ATP8A1: variants seen among roughly 807,000 people sequenced by gnomAD.
The protein encoded by ATP8A1 is ATPase phospholipid transporting 8A1.
A neutral mutation model predicts 177.7 loss-of-function variants in ATP8A1; 90 were observed. The observed-to-expected ratio is 0.51, with a 90% CI of 0.43 to 0.60. ATP8A1 has a LOEUF of 0.60. Ranked by LOEUF, ATP8A1 falls within the 20% of genes least tolerant of loss-of-function variation. The probability of loss-of-function intolerance (pLI) is 0.00; values close to 1 mark genes in which losing one functional copy is unlikely to be tolerated. For synonymous variants in ATP8A1, 493 were observed against 485.9 expected (o/e 1.01, Z -0.19); for missense variants, 1,072 against 1,392.8 (o/e 0.77, Z 3.67).
intron 6 of ATP8A1, among the ~76,000 whole-genome samples, chr4:42,596,834 C>G (rs1413100327): frequency 6.6e-6 from 1 of 152,094 alleles, no homozygotes; most frequent in Non-Finnish European, 1.5e-5. Flanking sequence ...CTAAATTCTC[C>G]ACCTGCATAC....
At chr4:42,475,199 C>T (rs1019229387) in intron 25 of ATP8A1, among the ~76,000 whole-genome samples, 5 of 152,228 alleles carry the variant, frequency 3.3e-5, no homozygotes, top group South Asian at 2.1e-4. Context: ...CAAGGTCTCA[C>T]TCTGTCGCCA....
intron 5 of ATP8A1, among the ~76,000 whole-genome samples, chr4:42,613,728 C>A (rs1039897168): frequency 1.3e-5 from 2 of 151,956 alleles, no homozygotes; most frequent in African/African-American, 4.8e-5. Flanking sequence ...GGATTACAGG[C>A]GCCTGCCACC....
intron 1 of ATP8A1, among the ~76,000 whole-genome samples, chr4:42,650,913 T>C (rs912782454): frequency 6.6e-5 from 10 of 152,186 alleles, no homozygotes; most frequent in Admixed American, 3.9e-4. Context: ...GTCTGCCTGA[T>C]ATAGTTTGGC....
Position 42,627,053 on chromosome 4 carries a change from C to A in ATP8A1, c.106G>T (p.Val36Leu). ...GGCTGGTTGATGAAAATAGTCCTTA[C>A]TTCCTCCTGGTCAGCCAGTGAGGTC... The part of the protein sequence containing the change: ...EKTSLADQEE[V>L]RTIFINQPQL... Residue 36 changes from valine to leucine, a missense_variant, in exon 2 of 37, where the codon GTA becomes TTA. Physicochemically the swap from Val to Leu is conservative, Grantham distance 32. Coordinates refer to ENST00000381668, the MANE Select transcript of ATP8A1 (RefSeq NM_006095.2). The A allele has an allele frequency of 6.2e-7, 1 of 1,614,142 alleles. No individual in the cohort carries two copies. The highest frequency in any genetic ancestry group is 2.2e-5 in the East Asian group (1 of 44,878).
intron 22 of ATP8A1, among the ~76,000 whole-genome samples, chr4:42,519,007 T>C (rs1433035510): frequency 6.6e-6 from 1 of 152,188 alleles, no homozygotes; most frequent in Non-Finnish European, 1.5e-5. Flanking sequence ...TTAAAAATCC[T>C]ACAGTCCTCC....
chr4:42,539,872 C>T (rs1728213770), intron 20 of ATP8A1, among the ~76,000 whole-genome samples: 1 of 152,056 alleles, frequency 6.6e-6, no homozygotes, highest in Non-Finnish European at 1.5e-5. Flanking sequence ...GGAAAACTAT[C>T]CTGGGCATTG....
intron 14 of ATP8A1, 90 bp from the exon 15 acceptor site, chr4:42,569,295 A>G (rs1235657828): frequency 1.1e-5 from 11 of 960,860 alleles, no homozygotes; most frequent in Non-Finnish European, 1.7e-5. Flanking sequence ...GAAGTATAAA[A>G]AGATGGATCA....
chr4:42,471,439 T>C (rs1720399172), intron 25 of ATP8A1, among the ~76,000 whole-genome samples: 1 of 151,334 alleles, frequency 6.6e-6, no homozygotes, highest in South Asian at 2.1e-4. Context: ...ATTTTAGATA[T>C]AAAACCTCTC....
At position 42,411,187 on chromosome 4, in the gene ATP8A1, GTA is replaced by G. The variant is rs930437337; in HGVS notation, c.*1727_*1728del. On this transcript the variant is annotated 3_prime_UTR_variant, in exon 37 of 37. Transcript: ENST00000381668. Reference sequence around the variant, plus strand: ...TGTGTTCCCTTAAGGTTAGAATTATGTATATGTGTTATAACCTCTTATTTGTA... The same window carrying G: ...TGTGTTCCCTTAAGGTTAGAATTATGTATGTGTTATAACCTCTTATTTGTA... 3 of 152,128 alleles carry G rather than the reference GTA, an allele frequency of 2.0e-5. No homozygotes were observed. Among genetic ancestry groups the G allele is most frequent in the Admixed American group, 1.3e-4 (2 of 15,266 alleles). The allele number at this position is 152,128 out of a possible 1,614,324, so 9.4% of individuals were successfully genotyped here. A position where few individuals can be genotyped will look rare whatever the true frequency, so the allele number is the denominator to read the frequency against.
Position 42,478,575 on chromosome 4 carries a change from C to A in ATP8A1, c.2324+6921G>T, listed in dbSNP as rs1229295509. Among the ~76,000 whole-genome samples, 11 of 14,906 alleles carry A rather than the reference C, an allele frequency of 7.4e-4. No individual in the cohort carries two copies. In the Non-Finnish European group the frequency reaches 0.019, roughly 26 times the overall value. 9.8% of individuals were successfully genotyped at this position (14,906 alleles called of 152,430 possible). On this transcript the variant is annotated intron_variant, in intron 25 of 36. Transcript: ENST00000381668. ...GGGAATACACACACAAAAAAAAAACCACATAAAAAAATCAAAGAGCCACTT... is the reference window on the plus strand; with the variant it reads ...GGGAATACACACACAAAAAAAAAACAACATAAAAAAATCAAAGAGCCACTT...
chr4:42,629,206 T>C (rs568295944), intron 1 of ATP8A1, among the ~76,000 whole-genome samples: 3 of 152,324 alleles, frequency 2.0e-5, no homozygotes, highest in South Asian at 2.1e-4. Flanking sequence ...AATGGATTAG[T>C]AGGGGCCCAA....
chr4:42,630,574 G>T (rs951627746), intron 1 of ATP8A1, among the ~76,000 whole-genome samples: 1 of 152,138 alleles, frequency 6.6e-6, no homozygotes. Flanking sequence ...AGAAAGAAAC[G>T]CATCTTAATC....
intron 25 of ATP8A1, chr4:42,472,233 G>A (rs1578001852): frequency 1.7e-6 from 1 of 582,956 alleles, no homozygotes; most frequent in South Asian, 1.4e-5. Context: ...GAATCTGTGT[G>A]AAACTGGATG....
At chr4:42,468,120 C>T (rs1719989924) in intron 25 of ATP8A1, among the ~76,000 whole-genome samples, 1 of 151,976 alleles carries the variant, frequency 6.6e-6, no homozygotes, top group Admixed American at 6.6e-5. Flanking sequence ...CACTTCTACA[C>T]CGCTGGTGGG....
chr4:42,432,195 T>C (rs1028841925), intron 33 of ATP8A1, among the ~76,000 whole-genome samples: 17 of 152,146 alleles, frequency 1.1e-4, no homozygotes, highest in Non-Finnish European at 2.5e-4. Context: ...AACCTGAGAC[T>C]CCAGGGTTAC....
chr4:42,617,030 T>C (rs575427492), intron 4 of ATP8A1, among the ~76,000 whole-genome samples: 1 of 152,358 alleles, frequency 6.6e-6, no homozygotes, highest in African/African-American at 2.4e-5. Flanking sequence ...AATATAGTTG[T>C]GCGTACCTGA....
rs138526772 is a variant in ATP8A1, at chr4:42,414,909, C to G, written c.3306-191G>C. On this transcript the variant is annotated intron_variant, in intron 35 of 36. Transcript: ENST00000381668. ...AAGTATTTAGACAGACTTTTGAGGCCATTTTCTCCCTAAGGAGTTTGGTCC... is the reference window on the plus strand; with the variant it reads ...AAGTATTTAGACAGACTTTTGAGGCGATTTTCTCCCTAAGGAGTTTGGTCC... 8.4e-4 allele frequency: 469 copies of G among 560,996 alleles called. 2 individuals carry two copies. The highest frequency in any genetic ancestry group is 7.3e-3 in the African/African-American group (388 of 53,044). The allele number at this position is 560,996 out of a possible 1,614,324, so 34.8% of individuals were successfully genotyped here. A position where few individuals can be genotyped will look rare whatever the true frequency, so the allele number is the denominator to read the frequency against.
chr4:42,450,477 T>C (rs1717818452), intron 30 of ATP8A1, among the ~76,000 whole-genome samples: 1 of 152,224 alleles, frequency 6.6e-6, no homozygotes. Flanking sequence ...TTTTATGGTA[T>C]GTGAATTATA....
At chr4:42,546,870 T>C (rs904925408) in intron 19 of ATP8A1, among the ~76,000 whole-genome samples, 1 of 152,194 alleles carries the variant, frequency 6.6e-6, no homozygotes, top group Non-Finnish European at 1.5e-5. Flanking sequence ...CTCTGTCCTC[T>C]ACATCTTTAA....
Sources: gnomAD v4.1 joint callset for allele counts (sites outside exome capture counted in the v4.1 genomes callset) on GRCh38, gnomAD v4.1.1 for gene constraint, MANE v1.5 for transcripts, NCBI Gene and HGNC (gene_info 2026-07-23, HGNC 2026-07-21) for gene names.